Variants in HEPHL1 observed in about 807,000 individuals in gnomAD.
HEPHL1 encodes hephaestin like 1.
A neutral mutation model predicts 122.0 loss-of-function variants in HEPHL1; 123 were observed. The ratio of observed to expected loss-of-function variants is 1.01; its 90% CI spans 0.87 to 1.17. The LOEUF (loss-of-function observed/expected upper bound fraction) is 1.17. Among genes scored for constraint, HEPHL1 ranks in the 50% most tolerant of loss-of-function variants. The probability of loss-of-function intolerance (pLI) is 0.00; values close to 1 mark genes in which losing one functional copy is unlikely to be tolerated. For missense variants in HEPHL1, 1,452 were observed against 1,430.5 expected, an observed-to-expected ratio of 1.01 and a Z score of -0.24; for synonymous variants, 527 against 508.9, an observed-to-expected ratio of 1.04 and a Z score of -0.48.
At chr11:94,034,877 G>A (rs1299297901) in intron 1 of HEPHL1, among the ~76,000 whole-genome samples, 1 of 152,108 alleles carries the variant, frequency 6.6e-6, no homozygotes, top group Non-Finnish European at 1.5e-5. Flanking sequence ...GGTAAGGAAG[G>A]GGCTTGATCC....
chr11:94,058,789 C>G (rs1475155655), intron 2 of HEPHL1, among the ~76,000 whole-genome samples: 2 of 152,078 alleles, frequency 1.3e-5, no homozygotes, highest in African/African-American at 4.8e-5. Flanking sequence ...TAGACTCAAA[C>G]TCCTGGCCTC....
Position 94,111,611 on chromosome 11 carries a change from G to T in HEPHL1, c.3277+6G>T. 2 of 1,606,992 alleles carry T rather than the reference G, an allele frequency of 1.2e-6. No homozygotes were observed. Among genetic ancestry groups the T allele is most frequent in the Non-Finnish European group, 1.7e-6 (2 of 1,176,326 alleles). On this transcript the variant is annotated splice_donor_region_variant and intron_variant, in intron 19 of 19. Coordinates refer to ENST00000315765, the MANE Select transcript of HEPHL1 (RefSeq NM_001098672.2). ...AGCCACGGTGCCATCTAACGGTAAT[G>T]ATACCCTCTCCCCATGTAAATGAGT...
chr11:94,025,727 C>T (rs11020631), intron 1 of HEPHL1, among the ~76,000 whole-genome samples: 54,141 of 151,940 alleles, frequency 0.36, 10,087 homozygotes, highest in South Asian at 0.44. Context: ...ACACATCTAT[C>T]TGAAAGAAGG....
intron 2 of HEPHL1, among the ~76,000 whole-genome samples, chr11:94,059,043 G>T (rs1200491498): frequency 6.6e-6 from 1 of 152,152 alleles, no homozygotes; most frequent in Non-Finnish European, 1.5e-5. Flanking sequence ...CTGCTCACTT[G>T]TCTTTCACTC....
intron 1 of HEPHL1, among the ~76,000 whole-genome samples, chr11:94,023,306 C>G (rs1350151450): frequency 2.0e-5 from 3 of 152,102 alleles, no homozygotes; most frequent in African/African-American, 4.8e-5. Context: ...CTAGAAAGTC[C>G]TAATTTTTGC....
At chr11:94,104,398 A>G in intron 15 of HEPHL1, 130 bp from the exon 16 acceptor site, 1 of 657,100 alleles carries the variant, frequency 1.5e-6, no homozygotes, top group Non-Finnish European at 2.7e-6. Flanking sequence ...GGTGAATCAG[A>G]GCTGAGAGAA....
At chr11:94,029,943 C>A (rs547242130) in intron 1 of HEPHL1, among the ~76,000 whole-genome samples, 1 of 152,214 alleles carries the variant, frequency 6.6e-6, no homozygotes, top group South Asian at 2.1e-4. Flanking sequence ...GGGGTCAGGA[C>A]CTCTTAGCAG....
In HEPHL1 at chr11:94,063,492, T is replaced by C. The variant is rs1457111456; in HGVS notation, c.416-16T>C. On this transcript the variant is annotated splice_polypyrimidine_tract_variant and intron_variant, in intron 2 of 19. Coordinates refer to ENST00000315765, the MANE Select transcript of HEPHL1 (RefSeq NM_001098672.2). ...AACTATGTTTTACCTTTTTTTTTAA[T>C]TTTATTTTTTGGAAGGAGCCCTATA... 1 of 1,551,356 alleles carries C rather than the reference T, an allele frequency of 6.4e-7. No homozygotes were observed. The highest frequency in any genetic ancestry group is 8.7e-7 in the Non-Finnish European group (1 of 1,143,830).
At chr11:94,084,079 C>A (rs1002265163) in intron 10 of HEPHL1, among the ~76,000 whole-genome samples, 32 of 152,188 alleles carry the variant, frequency 2.1e-4, no homozygotes, top group African/African-American at 7.2e-4. Context: ...AATCCCAGCA[C>A]TTTGGGAGGT....
intron 15 of HEPHL1, 148 bp downstream of exon 15, chr11:94,103,168 C>T: frequency 1.7e-6 from 1 of 593,726 alleles, no homozygotes; most frequent in Non-Finnish European, 3.0e-6. Context: ...GAAATCTAGA[C>T]ATGCTGGACG....
At chr11:94,077,079 C>G (rs1425909537) in intron 9 of HEPHL1, among the ~76,000 whole-genome samples, 2 of 152,154 alleles carry the variant, frequency 1.3e-5, no homozygotes, top group East Asian at 3.8e-4. Context: ...TATTATCTCT[C>G]TTTGTTTTTA....
chr11:94,091,324 T>C (rs1340289940), intron 12 of HEPHL1, among the ~76,000 whole-genome samples: 1 of 152,170 alleles, frequency 6.6e-6, no homozygotes, highest in Non-Finnish European at 1.5e-5. Context: ...ATGACCCTCA[T>C]ATCAATTCCA....
At chr11:94,082,637 T>C (rs1946181278) in intron 10 of HEPHL1, 69 bp downstream of exon 10, 3 of 1,424,368 alleles carry the variant, frequency 2.1e-6, no homozygotes, top group East Asian at 2.3e-5. Context: ...ATGATTGGTG[T>C]GTTTGAATTA....
chr11:94,053,012 T>C, intron 2 of HEPHL1, among the ~76,000 whole-genome samples: 1 of 152,110 alleles, frequency 6.6e-6, no homozygotes, highest in South Asian at 2.1e-4. Flanking sequence ...TCTCCACTCT[T>C]CTGTTTTCTG....
At chr11:94,095,433 C>T (rs147973287) in intron 13 of HEPHL1, among the ~76,000 whole-genome samples, 1,873 of 152,258 alleles carry the variant, frequency 0.012, 29 homozygotes, top group African/African-American at 0.042. Context: ...TAGCATGATG[C>T]CTCCAGCTTA....
intron 12 of HEPHL1, among the ~76,000 whole-genome samples, chr11:94,091,353 A>G (rs1468398195): frequency 1.3e-5 from 2 of 152,216 alleles, no homozygotes; most frequent in African/African-American, 2.4e-5. Flanking sequence ...AGGAATTATT[A>G]TCAGCCTGGT....
chr11:94,075,186 C>T lies in HEPHL1; in HGVS notation c.1517C>T (p.Pro506Leu), dbSNP rs1334287226. The change falls in exon 9 of 20, where the codon CCA (proline) becomes CTA (leucine). Residue 506 changes from proline to leucine, a missense_variant. Pro to Leu is a moderately conservative substitution (Grantham distance 98). Coordinates refer to ENST00000315765, the MANE Select transcript of HEPHL1 (RefSeq NM_001098672.2). ...AAPNLDGFVK[P>L]GAHVKPGETF... Reference sequence around the variant, plus strand: ...TTTATATCCTCAGGATTTGTGAAACCAGGGGCGCATGTTAAACCAGGTGAA... The same window carrying T: ...TTTATATCCTCAGGATTTGTGAAACTAGGGGCGCATGTTAAACCAGGTGAA... 1 of 1,612,754 alleles carries T rather than the reference C, an allele frequency of 6.2e-7. No individual in the cohort carries two copies. The highest frequency in any genetic ancestry group is 8.5e-7 in the Non-Finnish European group (1 of 1,179,330).
At chr11:94,094,440 A>G (rs951088995) in intron 13 of HEPHL1, among the ~76,000 whole-genome samples, 45 of 152,298 alleles carry the variant, frequency 3.0e-4, no homozygotes, top group Admixed American at 5.9e-4. Context: ...GCTATTGTGA[A>G]TAGTGCCACA....
At chr11:94,069,530 A>G (rs1946058368) in intron 5 of HEPHL1, among the ~76,000 whole-genome samples, 1 of 152,176 alleles carries the variant, frequency 6.6e-6, no homozygotes. Flanking sequence ...ATATATATGT[A>G]TTTTAAAAAA....
Sources: gnomAD v4.1 joint callset for allele counts (sites outside exome capture counted in the v4.1 genomes callset) on GRCh38, gnomAD v4.1.1 for gene constraint, MANE v1.5 for transcripts, NCBI Gene and HGNC (gene_info 2026-07-23, HGNC 2026-07-21) for gene names.